Variants in CHST8 observed in about 807,000 individuals in gnomAD.
The protein encoded by CHST8 is carbohydrate sulfotransferase 8, also known as GALNAC-4-ST1.
A neutral mutation model predicts 15.0 loss-of-function variants in CHST8; 10 were observed. The ratio of observed to expected loss-of-function variants is 0.67; its 90% confidence interval spans 0.41 to 1.13. CHST8 has a LOEUF of 1.13. CHST8 is among the 50% of genes most tolerant of loss of function. CHST8 has a pLI of 0.00. For missense variants in CHST8, 634 were observed against 608.2 expected (o/e 1.04, Z -0.45); for synonymous variants, 259 against 256.6 (o/e 1.01, Z -0.09).
At chr19:33,727,249 G>A (rs79795322) in intron 3 of CHST8, among the ~76,000 whole-genome samples, 11,349 of 152,086 alleles carry the variant, frequency 0.075, 600 homozygotes, top group Middle Eastern at 0.13. Context: ...TCCCCTTCTG[G>A]AAATCTTCCA....
At chr19:33,748,211 G>A (rs995806762) in intron 3 of CHST8, among the ~76,000 whole-genome samples, 2 of 152,238 alleles carry the variant, frequency 1.3e-5, no homozygotes, top group Admixed American at 1.3e-4. Context: ...CCAGGCCCAG[G>A]CACTCAGCTT....
At chr19:33,737,217 C>CGTAT (rs1974105462) in intron 3 of CHST8, among the ~76,000 whole-genome samples, 1 of 152,212 alleles carries the variant, frequency 6.6e-6, no homozygotes, top group Non-Finnish European at 1.5e-5. Context: ...GGCTTCTCTG[C>CGTAT]GTATGGAATA....
intron 3 of CHST8, among the ~76,000 whole-genome samples, chr19:33,752,518 G>A (rs904198459): frequency 2.4e-4 from 36 of 152,136 alleles, no homozygotes; most frequent in African/African-American, 8.5e-4. Context: ...TATTTCACAG[G>A]CAACGATACT....
intron 3 of CHST8, among the ~76,000 whole-genome samples, chr19:33,768,429 G>A (rs1974897076): frequency 1.3e-5 from 2 of 151,994 alleles, no homozygotes; most frequent in Non-Finnish European, 2.9e-5. Flanking sequence ...TAAAATAAAT[G>A]TAAATTTTTT....
At chr19:33,651,175 C>A (rs1454308865) in intron 1 of CHST8, among the ~76,000 whole-genome samples, 1 of 152,122 alleles carries the variant, frequency 6.6e-6, no homozygotes, top group African/African-American at 2.4e-5. Flanking sequence ...AAAGTCTAAA[C>A]CCACCTAAGG....
At chr19:33,689,063 T>C (rs1429195196) in intron 2 of CHST8, 113 bp from the exon 3 acceptor site, 5 of 486,478 alleles carry the variant, frequency 1.0e-5, no homozygotes, top group Non-Finnish European at 1.7e-5. Context: ...CTGGGTAACT[T>C]GTAGAGGGCA....
chr19:33,739,423 C>T (rs1411643957), intron 3 of CHST8, among the ~76,000 whole-genome samples: 3 of 152,204 alleles, frequency 2.0e-5, no homozygotes, highest in Non-Finnish European at 2.9e-5. Flanking sequence ...GTCTTCCTCC[C>T]CTGAGGATTT....
At chr19:33,631,325 A>G (rs1329725007) in intron 1 of CHST8, among the ~76,000 whole-genome samples, 1 of 152,162 alleles carries the variant, frequency 6.6e-6, no homozygotes, top group Non-Finnish European at 1.5e-5. Context: ...CCAAAGACTC[A>G]GCTTTCGTGT....
intron 3 of CHST8, among the ~76,000 whole-genome samples, chr19:33,732,730 C>T (rs911093614): frequency 1.3e-5 from 2 of 151,994 alleles, no homozygotes; most frequent in South Asian, 4.2e-4. Flanking sequence ...TCCAATGAAC[C>T]GAAGTGGGCA....
chr19:33,748,256 A>T (rs1298118762), intron 3 of CHST8, among the ~76,000 whole-genome samples: 1 of 152,198 alleles, frequency 6.6e-6, no homozygotes, highest in Non-Finnish European at 1.5e-5. Context: ...GACCCTCCAC[A>T]TCCCCCATTA....
At chr19:33,712,818 G>C (rs765507944) in intron 3 of CHST8, among the ~76,000 whole-genome samples, 12 of 152,138 alleles carry the variant, frequency 7.9e-5, no homozygotes, top group Non-Finnish European at 1.6e-4. Flanking sequence ...CAACTTTGGT[G>C]CTGGGATCCC....
intron 1 of CHST8, among the ~76,000 whole-genome samples, chr19:33,656,770 C>T (rs1972514350): frequency 6.6e-6 from 1 of 152,076 alleles, no homozygotes; most frequent in South Asian, 2.1e-4. Context: ...AACTCCTGGG[C>T]TCAAGTGACC....
At chr19:33,660,561 A>G (rs1431879990) in intron 1 of CHST8, among the ~76,000 whole-genome samples, 1 of 152,164 alleles carries the variant, frequency 6.6e-6, no homozygotes, top group African/African-American at 2.4e-5. Flanking sequence ...GGCTGCCCTC[A>G]TTGCCCATTA....
rs960907016 is a variant in CHST8 at position 33,634,484 on chromosome 19, G to A, written c.-164+12188G>A. Among the ~76,000 whole-genome samples the A allele has an allele frequency of 1.1e-4, 16 of 152,170 alleles. 1 individual carries two copies. In the East Asian group the frequency reaches 3.1e-3, roughly 29 times the overall value. ...TTCTGGGCGGGTTTGAATCTCCCAGGCTGGAAGCCAAGGGATGGAGTAGAC... is the reference window on the plus strand; with the variant it reads ...TTCTGGGCGGGTTTGAATCTCCCAGACTGGAAGCCAAGGGATGGAGTAGAC... On this transcript the variant is annotated intron_variant, in intron 1 of 4. Coordinates refer to ENST00000650847, the MANE Select transcript of CHST8 (RefSeq NM_001127895.2).
intron 3 of CHST8, among the ~76,000 whole-genome samples, chr19:33,738,790 A>G (rs1387464170): frequency 6.6e-6 from 1 of 152,018 alleles, no homozygotes; most frequent in East Asian, 1.9e-4. Flanking sequence ...AGGTTTCACC[A>G]TGTTGGCCAG....
chr19:33,638,778 G>A (rs1338284300), intron 1 of CHST8, among the ~76,000 whole-genome samples: 3 of 152,086 alleles, frequency 2.0e-5, no homozygotes, highest in Non-Finnish European at 4.4e-5. Context: ...CACCTTCGTG[G>A]TTCTCCAAGT....
intron 3 of CHST8, among the ~76,000 whole-genome samples, chr19:33,766,319 C>G (rs1426766776): frequency 6.6e-6 from 1 of 151,988 alleles, no homozygotes; most frequent in Non-Finnish European, 1.5e-5. Flanking sequence ...TAGCATGCCA[C>G]CCCCCCATTC....
At chr19:33,739,481 A>C (rs1016573329) in intron 3 of CHST8, among the ~76,000 whole-genome samples, 5 of 152,202 alleles carry the variant, frequency 3.3e-5, no homozygotes, top group Non-Finnish European at 7.3e-5. Context: ...TTCATCCTAA[A>C]TTACACTGTT....
At chr19:33,698,388 GAA>G (rs869303685) in intron 3 of CHST8, among the ~76,000 whole-genome samples, 3 of 94,010 alleles carry the variant, frequency 3.2e-5, no homozygotes, top group Non-Finnish European at 2.2e-5. Flanking sequence ...ATCTCAAAAA[GAA>G]AAAAAAAAAA....
Sources: allele counts gnomAD v4.1 joint callset (sites outside exome capture counted in the v4.1 genomes callset), GRCh38; gene constraint gnomAD v4.1.1; transcripts MANE v1.5; gene names NCBI Gene and HGNC (gene_info 2026-07-23, HGNC 2026-07-21).